Variants in ATP10A observed in about 807,000 individuals in gnomAD.
ATP10A encodes ATPase phospholipid transporting 10A (putative), also known as phospholipid-transporting ATPase VA.
A neutral mutation model predicts 147.8 loss-of-function variants in ATP10A; 111 were observed. That is an observed-to-expected ratio of 0.75 (90% confidence interval 0.64 to 0.88). ATP10A has a LOEUF of 0.88. ATP10A is among the 40% of genes least tolerant of loss of function. ATP10A has a pLI of 0.00. For missense variants in ATP10A, 1,927 were observed against 1,959.0 expected, an observed-to-expected ratio of 0.98 and a Z score of 0.31; for synonymous variants, 875 against 841.6, an observed-to-expected ratio of 1.04 and a Z score of -0.69.
At chr15:25,828,881 A>G (rs556607251) in intron 1 of ATP10A, among the ~76,000 whole-genome samples, 2 of 152,324 alleles carry the variant, frequency 1.3e-5, no homozygotes, top group East Asian at 3.9e-4. Context: ...GACTGCATCA[A>G]AGATTATCTT....
At chr15:25,775,574 G>A (rs947463898) in intron 2 of ATP10A, among the ~76,000 whole-genome samples, 1 of 152,164 alleles carries the variant, frequency 6.6e-6, no homozygotes, top group African/African-American at 2.4e-5. Flanking sequence ...TTTGGAACAC[G>A]CACCACTGTG....
chr15:25,771,514 C>T (rs1252213432), intron 2 of ATP10A, among the ~76,000 whole-genome samples: 3 of 152,116 alleles, frequency 2.0e-5, no homozygotes, highest in Admixed American at 2.0e-4. Flanking sequence ...CTTATCTTCC[C>T]AGCTACAGAA....
intron 7 of ATP10A, among the ~76,000 whole-genome samples, chr15:25,719,043 C>CTTCT (rs1398347754): frequency 2.0e-5 from 3 of 152,204 alleles, no homozygotes; most frequent in Non-Finnish European, 4.4e-5. Flanking sequence ...GGTGCCTGCG[C>CTTCT]TGTGGCTTCT....
intron 3 of ATP10A, 27 bp downstream of exon 3, chr15:25,736,029 G>A (rs1887248298): frequency 1.9e-6 from 3 of 1,567,588 alleles, no homozygotes; most frequent in South Asian, 1.1e-5. Flanking sequence ...ACAGAAGGAT[G>A]CGCGCAGGCA....
chr15:25,795,847 T>A (rs1890648029), intron 1 of ATP10A, among the ~76,000 whole-genome samples: 1 of 152,064 alleles, frequency 6.6e-6, no homozygotes, highest in Non-Finnish European at 1.5e-5. Flanking sequence ...CATGGATAGA[T>A]GATTGCCCTG....
chr15:25,805,858 T>C (rs565267264), intron 1 of ATP10A, among the ~76,000 whole-genome samples: 1 of 152,344 alleles, frequency 6.6e-6, no homozygotes, highest in East Asian at 1.9e-4. Flanking sequence ...AAAATGTATT[T>C]TGAAATCAAA....
chr15:25,685,902 C>T (rs1034585879), intron 16 of ATP10A, among the ~76,000 whole-genome samples: 1 of 151,936 alleles, frequency 6.6e-6, no homozygotes, highest in Non-Finnish European at 1.5e-5. Flanking sequence ...AGAAAGGGGG[C>T]TTGGATTCTT....
chr15:25,807,029 G>A (rs895013894), intron 1 of ATP10A, among the ~76,000 whole-genome samples: 5 of 152,306 alleles, frequency 3.3e-5, no homozygotes, highest in East Asian at 1.9e-4. Context: ...GGCATCCACC[G>A]GGCTGGAAAG....
chr15:25,805,453 C>A (rs1266107995), intron 1 of ATP10A, among the ~76,000 whole-genome samples: 1 of 152,216 alleles, frequency 6.6e-6, no homozygotes, highest in Non-Finnish European at 1.5e-5. Context: ...ACACTTTACA[C>A]GCGTCCTTAT....
At chr15:25,725,265 C>T (rs1902474500) in intron 5 of ATP10A, among the ~76,000 whole-genome samples, 1 of 152,228 alleles carries the variant, frequency 6.6e-6, no homozygotes, top group African/African-American at 2.4e-5. Context: ...TCTGCTACCC[C>T]TACATCCGTG....
At chr15:25,840,470 G>C (rs1361837527) in intron 1 of ATP10A, among the ~76,000 whole-genome samples, 2 of 152,118 alleles carry the variant, frequency 1.3e-5, no homozygotes, top group East Asian at 3.9e-4. Context: ...GCAAGTTGCT[G>C]TGTTTATCAA....
At chr15:25,728,063 C>T (rs11639158) in intron 3 of ATP10A, among the ~76,000 whole-genome samples, 80,949 of 152,046 alleles carry the variant, frequency 0.53, 25,135 homozygotes, top group Non-Finnish European at 0.7. Flanking sequence ...GCCTAACCCA[C>T]GCCAGGCAGG....
chr15:25,851,071 T>C (rs1436288096), intron 1 of ATP10A, among the ~76,000 whole-genome samples: 2 of 151,204 alleles, frequency 1.3e-5, no homozygotes, highest in South Asian at 2.1e-4. Flanking sequence ...TCCGCCGAAC[T>C]TGGGGAGGGA....
rs113157762 is a variant in ATP10A at position 25,718,072 on chromosome 15, C to G, written c.1581+110G>C. ...TTCTGCTGAGTAGAGCCAAGCCGCC[C>G]AGCGACAGTGTATTTGTAGGATTAA... On this transcript the variant is annotated intron_variant, in intron 8 of 20. Transcript: ENST00000555815. The G allele has an allele frequency of 7.5e-6, 9 of 1,204,030 alleles. No homozygotes were observed. The African/African-American group carries it at 7.6e-5, about 10-fold the overall frequency. The allele number at this position is 1,204,030 out of a possible 1,614,324, so 74.6% of individuals were successfully genotyped here.
chr15:25,703,993 G>T (rs1900823797), intron 12 of ATP10A, among the ~76,000 whole-genome samples: 1 of 152,128 alleles, frequency 6.6e-6, no homozygotes, highest in African/African-American at 2.4e-5. Context: ...TGCTCAGGAA[G>T]AAAGCCAGGT....
In ATP10A at chr15:25,727,206, G is replaced by A; in HGVS notation, c.801C>T (p.Cys267=). 1 of 1,614,230 alleles carries A rather than the reference G, an allele frequency of 6.2e-7. No individual in the cohort carries two copies. Among genetic ancestry groups the A allele is most frequent in the South Asian group, 1.1e-5 (1 of 91,086 alleles). ...CGACTGCGTCCGTGTTCCTAAGGGTGCAGCCCCTCAGCAGCAGGTTTTCTT... is the reference window on the plus strand; with the variant it reads ...CGACTGCGTCCGTGTTCCTAAGGGTACAGCCCCTCAGCAGCAGGTTTTCTT... ...LYKENLLLRG[C]TLRNTDAVVG... The change falls in exon 4 of 21, where the codon TGC becomes TGT. Residue 267 remains cysteine (C), a synonymous_variant. Transcript: ENST00000555815.
chr15:25,709,458 C>T (rs1317640956), intron 10 of ATP10A: 1 of 152,246 alleles, frequency 6.6e-6, no homozygotes, highest in African/African-American at 2.4e-5. Context: ...AAAGCTGTCC[C>T]ATTGTCCTGA....
intron 1 of ATP10A, among the ~76,000 whole-genome samples, chr15:25,825,399 T>C (rs1269423994): frequency 6.6e-6 from 1 of 152,120 alleles, no homozygotes; most frequent in East Asian, 1.9e-4. Context: ...AATATAAACA[T>C]GCTCAGAGCT....
At chr15:25,805,067 C>T (rs889921603) in intron 1 of ATP10A, among the ~76,000 whole-genome samples, 5 of 152,172 alleles carry the variant, frequency 3.3e-5, no homozygotes, top group Admixed American at 1.3e-4. Flanking sequence ...GGTGAGCGGA[C>T]GGGCCATCAC....
Sources: allele counts gnomAD v4.1 joint callset (sites outside exome capture counted in the v4.1 genomes callset), GRCh38; gene constraint gnomAD v4.1.1; transcripts MANE v1.5; gene names NCBI Gene and HGNC (gene_info 2026-07-23, HGNC 2026-07-21).